The following MIPEP variants were observed in gnomAD, a reference collection of about 807,000 sequenced individuals.
MIPEP encodes the protein mitochondrial intermediate peptidase.
In MIPEP, 79 loss-of-function variants were observed where a neutral mutation model predicts 90.3. That is an observed-to-expected ratio of 0.87 (90% CI 0.73 to 1.05). The LOEUF is 1.05. MIPEP is among the 50% of genes least tolerant of loss of function. The pLI, the probability that MIPEP is intolerant of heterozygous loss-of-function variation, is 0.00. For synonymous variants in MIPEP, 334 were observed against 315.8 expected (o/e 1.06, Z -0.61); for missense variants, 940 against 905.6 (o/e 1.04, Z -0.49).
At chr13:23,864,406 T>C (rs1272239564) in intron 7 of MIPEP, among the ~76,000 whole-genome samples, 1 of 152,108 alleles carries the variant, frequency 6.6e-6, no homozygotes, top group East Asian at 1.9e-4. Context: ...ATTGGCATAC[T>C]AATAATCCAC....
chr13:23,867,163 C>A (rs1038243540), intron 7 of MIPEP, among the ~76,000 whole-genome samples: 1 of 152,120 alleles, frequency 6.6e-6, no homozygotes, highest in African/African-American at 2.4e-5. Context: ...CTGCCCCAAC[C>A]CCCACAGTGA....
chr13:23,773,133 A>G (rs778302561), intron 16 of MIPEP, among the ~76,000 whole-genome samples: 4 of 152,082 alleles, frequency 2.6e-5, no homozygotes. Context: ...GTCCCTCTCC[A>G]TTCCTCCTTC....
chr13:23,883,083 T>C (rs1424635528), intron 2 of MIPEP, among the ~76,000 whole-genome samples: 4 of 152,176 alleles, frequency 2.6e-5, no homozygotes, highest in African/African-American at 7.2e-5. Flanking sequence ...TGGCAGGTAA[T>C]ATCTTAAAAA....
At chr13:23,733,443 G>C (rs1845290477) in intron 18 of MIPEP, among the ~76,000 whole-genome samples, 1 of 152,210 alleles carries the variant, frequency 6.6e-6, no homozygotes, top group South Asian at 2.1e-4. Flanking sequence ...GCAACCAACA[G>C]AAAAGGAAGG....
intron 16 of MIPEP, among the ~76,000 whole-genome samples, chr13:23,770,214 A>G (rs986066336): frequency 2.6e-5 from 4 of 152,102 alleles, no homozygotes; most frequent in Non-Finnish European, 5.9e-5. Flanking sequence ...CTCAGACTTC[A>G]CTTCCTGTCA....
intron 3 of MIPEP, among the ~76,000 whole-genome samples, chr13:23,879,721 T>A (rs983152939): frequency 1.3e-5 from 2 of 152,004 alleles, no homozygotes; most frequent in Non-Finnish European, 2.9e-5. Flanking sequence ...AAAAACACTG[T>A]AAGGGAGAGC....
chr13:23,759,510 A>G (rs1952518023), intron 17 of MIPEP, among the ~76,000 whole-genome samples: 1 of 149,760 alleles, frequency 6.7e-6, no homozygotes, highest in African/African-American at 2.5e-5. Context: ...CCCCCTAGAC[A>G]GCACAGGATC....
Position 23,805,933 on chromosome 13 carries a change from C to T in MIPEP, c.1848+17G>A, listed in dbSNP as rs1593164765. ...AACCACTCAATACACAAAACAGAAG[C>T]CAAATGCTGGACTCACAGTATTTGG... On this transcript the variant is annotated intron_variant, in intron 16 of 18. Transcript: ENST00000382172. The T allele has an allele frequency of 2.5e-6, 4 of 1,612,554 alleles. No individual in the cohort carries two copies. The highest frequency in any genetic ancestry group is 3.4e-6 in the Non-Finnish European group (4 of 1,179,116).
chr13:23,837,809 A>G, intron 12 of MIPEP, 53 bp from the exon 13 acceptor site: 2 of 1,388,338 alleles, frequency 1.4e-6, no homozygotes, highest in Non-Finnish European at 2.0e-6. Context: ...TAATGTGAAG[A>G]GTAAAACAGT....
In MIPEP at chr13:23,870,133, T is replaced by G. The variant is rs760726674; in HGVS notation, c.666A>C (p.Gly222=). The change falls in exon 6 of 19, where the codon GGA becomes GGC. Residue 222 remains glycine, a synonymous_variant. Coordinates refer to ENST00000382172, the MANE Select transcript of MIPEP (RefSeq NM_005932.4). ...TCTCAATCTTGTTGGGAAAATTGGT[T>G]CCCATAAGAAATGTACTACTCAAAT... The part of the protein sequence containing the change: ...ILDLSSTFLM[G]TNFPNKIEKH... The G allele has an allele frequency of 1.9e-6, 3 of 1,612,406 alleles. No individual in the cohort carries two copies. The African/African-American group carries it at 4.0e-5, about 22-fold the overall frequency.
chr13:23,807,776 A>G (rs1429464036), intron 15 of MIPEP, among the ~76,000 whole-genome samples: 1 of 152,254 alleles, frequency 6.6e-6, no homozygotes, highest in East Asian at 1.9e-4. Context: ...TTTTGCCCCA[A>G]TGTATAAATA....
At chr13:23,759,986 G>T in intron 17 of MIPEP, 110 bp downstream of exon 17, 1 of 1,396,240 alleles carries the variant, frequency 7.2e-7, no homozygotes, top group Non-Finnish European at 1.0e-6. Context: ...CTTTCTGCCA[G>T]GTTTGGCTGT....
At chr13:23,757,721 G>A (rs565172419) in intron 17 of MIPEP, among the ~76,000 whole-genome samples, 3 of 152,152 alleles carry the variant, frequency 2.0e-5, no homozygotes. Flanking sequence ...CTGGTACTCT[G>A]TGTCACCTGG....
chr13:23,771,234 A>G (rs891721646), intron 16 of MIPEP, among the ~76,000 whole-genome samples: 11 of 152,182 alleles, frequency 7.2e-5, no homozygotes, highest in African/African-American at 2.7e-4. Context: ...AGGGAAGGGA[A>G]AAGTGTGCAC....
chr13:23,790,314 C>A (rs1379668959), intron 16 of MIPEP, among the ~76,000 whole-genome samples: 1 of 152,204 alleles, frequency 6.6e-6, no homozygotes, highest in Non-Finnish European at 1.5e-5. Context: ...TCACTCTCAC[C>A]AATCCTACTC....
In MIPEP at chr13:23,869,964, G is replaced by A. The variant is rs778375786; in HGVS notation, c.786+49C>T. Reference sequence around the variant, plus strand: ...CACTGAATTTTGGGTTAAAACAGTAGCAACACACAAATGGGACCTAAACAA... The same window carrying A: ...CACTGAATTTTGGGTTAAAACAGTAACAACACACAAATGGGACCTAAACAA... On this transcript the variant is annotated intron_variant, in intron 6 of 18. Coordinates refer to ENST00000382172, the MANE Select transcript of MIPEP (RefSeq NM_005932.4). 5.6e-6 allele frequency: 8 copies of A among 1,433,862 alleles called. No individual in the cohort carries two copies. In the East Asian group the frequency reaches 2.0e-4, roughly 36 times the overall value. 88.8% of individuals were successfully genotyped at this position (1,433,862 alleles called of 1,614,324 possible).
At chr13:23,841,850 C>T (rs1055977259) in intron 10 of MIPEP, among the ~76,000 whole-genome samples, 1 of 152,098 alleles carries the variant, frequency 6.6e-6, no homozygotes, top group Non-Finnish European at 1.5e-5. Flanking sequence ...AATGGTAACT[C>T]TTACCTTATG....
chr13:23,778,772 G>A (rs1952744901), intron 16 of MIPEP, among the ~76,000 whole-genome samples: 1 of 151,846 alleles, frequency 6.6e-6, no homozygotes, highest in Non-Finnish European at 1.5e-5. Context: ...CCAGGCACTG[G>A]GCTAAGTGCT....
chr13:23,831,383 C>CCGGT (rs58008469), intron 14 of MIPEP, among the ~76,000 whole-genome samples: 5 of 40,924 alleles, frequency 1.2e-4, no homozygotes, highest in Non-Finnish European at 2.9e-4. Context: ...TTCCCCATGG[C>CCGGT]GGGGGGGGGA....
Sources: allele counts gnomAD v4.1 joint callset (sites outside exome capture counted in the v4.1 genomes callset), GRCh38; gene constraint gnomAD v4.1.1; transcripts MANE v1.5; gene names NCBI Gene and HGNC (gene_info 2026-07-23, HGNC 2026-07-21).